Variants in ZC3H3 observed in about 807,000 individuals in gnomAD.
The protein encoded by ZC3H3 is zinc finger CCCH domain-containing protein 3.
ZC3H3 carries 36 observed loss-of-function variants against 77.3 expected under a neutral mutation model. The observed-to-expected ratio is 0.47, with a 90% confidence interval of 0.36 to 0.61. ZC3H3 has a LOEUF of 0.61. Ranked by LOEUF, ZC3H3 falls within the 20% of genes least tolerant of loss-of-function variation. The pLI, the probability that ZC3H3 is intolerant of heterozygous loss-of-function variation, is 0.00. For missense variants in ZC3H3, 1,331 were observed against 1,312.2 expected, an observed-to-expected ratio of 1.01 and a Z score of -0.22; for synonymous variants, 626 against 555.2, an observed-to-expected ratio of 1.13 and a Z score of -1.79.
intron 3 of ZC3H3, among the ~76,000 whole-genome samples, chr8:143,524,275 CCA>C (rs1822341570): frequency 6.6e-6 from 1 of 152,240 alleles, no homozygotes; most frequent in Admixed American, 6.5e-5. Context: ...GTCCCAGAGT[CCA>C]CAGTTACTGA....
At chr8:143,471,425 A>C (rs1820560184) in intron 5 of ZC3H3, among the ~76,000 whole-genome samples, 1 of 152,232 alleles carries the variant, frequency 6.6e-6, no homozygotes, top group African/African-American at 2.4e-5. Context: ...AGGAACACGC[A>C]GCAGCTGGCC....
chr8:143,524,228 C>G (rs1822340878), intron 3 of ZC3H3, among the ~76,000 whole-genome samples: 1 of 152,230 alleles, frequency 6.6e-6, no homozygotes, highest in South Asian at 2.1e-4. Flanking sequence ...GCCCCACTCC[C>G]TCAGTCCTCC....
chr8:143,478,378 C>T (rs531407648), intron 4 of ZC3H3, among the ~76,000 whole-genome samples: 22 of 152,342 alleles, frequency 1.4e-4, no homozygotes, highest in Non-Finnish European at 2.2e-4. Context: ...GGGGCAGAGG[C>T]ATCAGGGCCT....
In ZC3H3 at chr8:143,530,019, T is replaced by C. The variant is rs1020318081; in HGVS notation, c.1561+6238A>G. Among the ~76,000 whole-genome samples the C allele has an allele frequency of 6.6e-6, 1 of 152,116 alleles. No individual in the cohort carries two copies. The highest frequency in any genetic ancestry group is 6.5e-5 in the Admixed American group (1 of 15,272). On this transcript the variant is annotated intron_variant, in intron 3 of 11. Transcript: ENST00000262577. This position sits in a 1 kb window ranked among gnomAD's most constrained non-coding sequence, Gnocchi z 4.3. ...ATCTGCAAATGCTGACAGCAGTTCC[T>C]CCACACCCAGGGGCGGGCACGGCAG...
intron 8 of ZC3H3, among the ~76,000 whole-genome samples, chr8:143,466,711 GCC>G (rs1166776325): frequency 6.6e-6 from 1 of 152,104 alleles, no homozygotes; most frequent in East Asian, 1.9e-4. Flanking sequence ...TCAGCATGGA[GCC>G]CCCACAGAGC....
chr8:143,536,381 T>A lies in ZC3H3; in HGVS notation c.1437A>T (p.Arg479Ser). 6.3e-7 allele frequency: 1 copy of A among 1,587,310 alleles called. No individual in the cohort carries two copies. Among genetic ancestry groups the A allele is most frequent in the Non-Finnish European group, 8.6e-7 (1 of 1,166,216 alleles). Residue 479 changes from arginine to serine, a missense_variant, in exon 3 of 12, where the codon AGA becomes AGT. By Grantham distance (110) the Arg-to-Ser change is moderately radical. Coordinates refer to ENST00000262577, the MANE Select transcript of ZC3H3 (RefSeq NM_015117.3). ...TAKSHLSLRR[R>S]QALRGKSSPV... The stretch of plus-strand genomic sequence containing the variant: ...GGCTGCTCTTCCCCCTGAGGGCCTG[T>A]CTCCGCCGGAGGCTGAGGTGGCTCT...
At chr8:143,528,526 G>T (rs951481332) in intron 3 of ZC3H3, among the ~76,000 whole-genome samples, 9 of 152,358 alleles carry the variant, frequency 5.9e-5, no homozygotes, top group African/African-American at 2.2e-4. Flanking sequence ...TTACGGCGAG[G>T]ATGGCACAGA....
chr8:143,515,409 G>A (rs576403586), intron 3 of ZC3H3, among the ~76,000 whole-genome samples: 38 of 152,390 alleles, frequency 2.5e-4, no homozygotes, highest in African/African-American at 6.7e-4. Context: ...CCAGTCATGC[G>A]TGACATCAGC....
intron 4 of ZC3H3, among the ~76,000 whole-genome samples, chr8:143,478,539 T>C (rs1820811033): frequency 6.6e-6 from 1 of 152,244 alleles, no homozygotes; most frequent in Non-Finnish European, 1.5e-5. Context: ...GATGGAGTTT[T>C]GCTCTTGTGA....
intron 3 of ZC3H3, among the ~76,000 whole-genome samples, chr8:143,525,961 C>T (rs1215664535): frequency 6.6e-6 from 1 of 152,268 alleles, no homozygotes; most frequent in Admixed American, 6.5e-5. Context: ...GGCCCCGCTT[C>T]AGCGGCATCG....
chr8:143,536,231 GC>G, intron 3 of ZC3H3, 25 bp downstream of exon 3: 1 of 1,597,624 alleles, frequency 6.3e-7, no homozygotes. Context: ...CAGCCCCAGT[GC>G]CCAGCGCCCC....
At chr8:143,497,466 G>C (rs2129988694) in intron 4 of ZC3H3, among the ~76,000 whole-genome samples, 1 of 152,276 alleles carries the variant, frequency 6.6e-6, no homozygotes. Flanking sequence ...GGGTCCACAT[G>C]GGCCATGAGC....
At chr8:143,503,258 G>A (rs984530928) in intron 4 of ZC3H3, among the ~76,000 whole-genome samples, 12 of 152,282 alleles carry the variant, frequency 7.9e-5, no homozygotes, top group African/African-American at 2.4e-4. Flanking sequence ...CAGGAGTCCC[G>A]TTCTGCCCTT....
intron 3 of ZC3H3, among the ~76,000 whole-genome samples, chr8:143,526,735 C>G (rs898410716): frequency 6.6e-6 from 1 of 152,120 alleles, no homozygotes; most frequent in African/African-American, 2.4e-5. Flanking sequence ...ACATCCTGAC[C>G]CCATGCAGAG....
At chr8:143,525,948 A>G (rs1460222875) in intron 3 of ZC3H3, among the ~76,000 whole-genome samples, 1 of 152,212 alleles carries the variant, frequency 6.6e-6, no homozygotes, top group Non-Finnish European at 1.5e-5. Flanking sequence ...TGGGCCTGGC[A>G]CTGGCCCCGC....
chr8:143,470,678 G>A (rs1185332969), intron 5 of ZC3H3, among the ~76,000 whole-genome samples: 1 of 152,240 alleles, frequency 6.6e-6, no homozygotes, highest in Non-Finnish European at 1.5e-5. Flanking sequence ...ACCGGGTGCA[G>A]CAGGAGGGGT....
intron 3 of ZC3H3, among the ~76,000 whole-genome samples, chr8:143,518,012 C>T (rs923593321): frequency 6.6e-6 from 1 of 152,060 alleles, no homozygotes; most frequent in African/African-American, 2.4e-5. Flanking sequence ...TCTCAGGGTA[C>T]AGGACCTAGA....
At chr8:143,478,742 T>C (rs921949095) in intron 4 of ZC3H3, among the ~76,000 whole-genome samples, 2 of 152,236 alleles carry the variant, frequency 1.3e-5, no homozygotes, top group Non-Finnish European at 2.9e-5. Flanking sequence ...ACTCCTGACC[T>C]CAGGTGATCT....
chr8:143,487,652 C>T (rs1348063177), intron 4 of ZC3H3, among the ~76,000 whole-genome samples: 7 of 45,694 alleles, frequency 1.5e-4, no homozygotes, highest in Non-Finnish European at 2.3e-4. Context: ...GAAGCTCACA[C>T]ACAGAACAGC....
Sources: gnomAD v4.1 joint callset for allele counts (sites outside exome capture counted in the v4.1 genomes callset) on GRCh38, gnomAD v4.1.1 for gene constraint, Gnocchi (gnomAD v3.1) non-coding constraint, MANE v1.5 for transcripts, NCBI Gene and HGNC (gene_info 2026-07-23, HGNC 2026-07-21) for gene names.